Variants in COL6A3 observed in about 807,000 individuals in gnomAD.
The protein encoded by COL6A3 is collagen alpha-3(VI) chain.
In COL6A3, 137 loss-of-function variants were observed where a neutral mutation model predicts 274.1. The ratio of observed to expected loss-of-function variants is 0.50; its 90% CI spans 0.44 to 0.58. The LOEUF (loss-of-function observed/expected upper bound fraction) is 0.58. Among genes scored for constraint, COL6A3 ranks in the 20% least tolerant of loss-of-function variants. The pLI is 0.00. For missense variants in COL6A3, 3,950 were observed against 4,124.9 expected (o/e 0.96, Z 1.16); for synonymous variants, 1,650 against 1,650.6 (o/e 1.00, Z 0.01).
intron 4 of COL6A3, 58 bp from the exon 5 acceptor site, chr2:237,381,557 T>C (rs1330504683): frequency 8.6e-6 from 12 of 1,391,332 alleles, no homozygotes; most frequent in African/African-American, 1.4e-5. Flanking sequence ...CAATCAACAA[T>C]GACTTTCAAC....
At chr2:237,360,419 G>T (rs893438561) in intron 16 of COL6A3, among the ~76,000 whole-genome samples, 3 of 152,130 alleles carry the variant, frequency 2.0e-5, no homozygotes, top group South Asian at 2.1e-4. Context: ...TGTGGGGCAA[G>T]GGTGGGTGGC....
At chr2:237,401,062 A>G (rs779834083) in intron 1 of COL6A3, among the ~76,000 whole-genome samples, 3 of 152,226 alleles carry the variant, frequency 2.0e-5, no homozygotes, top group Non-Finnish European at 4.4e-5. Context: ...ATGCTGACTT[A>G]AAGACAGACA....
At position 237,374,598 on chromosome 2, in the gene COL6A3, T is replaced by C. The variant is rs777741210; in HGVS notation, c.3493A>G (p.Ile1165Val). Residue 1165 changes from isoleucine (I) to valine (V), a missense_variant, in exon 8 of 44, where the codon ATT becomes GTT. Physicochemically the swap from Ile to Val is conservative, Grantham distance 29. This residue lies in a region of COL6A3 where 1,934 missense variants were observed against 1,984.3 expected (regional missense o/e 0.97). Transcript: ENST00000295550. The surrounding 1 kb of genome is among the most constrained non-coding windows in gnomAD (Gnocchi z 4.8). The part of the protein sequence containing the change: ...VKRGGAVPIG[I>V]GIGNADITEM... ...GTGATGTCAGCGTTCCCGATGCCAA[T>C]GCCAATGGGCACAGCCCCACCCCTC... 2 of 1,614,198 alleles carry C rather than the reference T, an allele frequency of 1.2e-6. No individual in the cohort carries two copies. The highest frequency in any genetic ancestry group is 2.2e-5 in the East Asian group (1 of 44,860).
chr2:237,365,661 T>A (rs759596220), intron 12 of COL6A3, 37 bp downstream of exon 12: 9 of 1,604,574 alleles, frequency 5.6e-6, no homozygotes, highest in Admixed American at 1.7e-5. Flanking sequence ...ATTTGGAAAT[T>A]TCCCAGGGAG....
intron 1 of COL6A3, among the ~76,000 whole-genome samples, chr2:237,401,598 T>C (rs1286586504): frequency 1.3e-5 from 2 of 152,158 alleles, no homozygotes; most frequent in Non-Finnish European, 2.9e-5. Context: ...TGTATCATTG[T>C]AGGTGTATAA....
chr2:237,383,324 T>C (rs188018630), intron 4 of COL6A3, among the ~76,000 whole-genome samples: 2 of 152,368 alleles, frequency 1.3e-5, no homozygotes, highest in Admixed American at 1.3e-4. Context: ...GGTGTAACAA[T>C]GTGTGCAGAA....
chr2:237,381,809 C>G (rs1286768402), intron 4 of COL6A3, among the ~76,000 whole-genome samples: 1 of 152,158 alleles, frequency 6.6e-6, no homozygotes, highest in Non-Finnish European at 1.5e-5. Flanking sequence ...TCAATAAGTT[C>G]TCTTCTGCCG....
chr2:237,372,826 A>G (rs557179012), intron 8 of COL6A3, among the ~76,000 whole-genome samples: 13 of 152,198 alleles, frequency 8.5e-5, no homozygotes, highest in Non-Finnish European at 1.8e-4. Flanking sequence ...GTGGCGCATC[A>G]GAGAGGGTGT....
intron 4 of COL6A3, among the ~76,000 whole-genome samples, chr2:237,385,791 T>C (rs10929230): frequency 0.36 from 54,780 of 152,064 alleles, 11,352 homozygotes; most frequent in African/African-American, 0.58. Flanking sequence ...TGTAGTCCTG[T>C]ACACTGTTTC....
intron 37 of COL6A3, among the ~76,000 whole-genome samples, chr2:237,341,543 TAAAAAA>T (rs71039760): frequency 2.0e-5 from 1 of 49,118 alleles, no homozygotes; most frequent in African/African-American, 9.0e-5. Flanking sequence ...AGACTCTGTC[TAAAAAA>T]AAAAAAAAAA....
chr2:237,372,997 G>A (rs746423651), intron 8 of COL6A3, among the ~76,000 whole-genome samples: 21 of 152,288 alleles, frequency 1.4e-4, no homozygotes, highest in Admixed American at 7.2e-4. Flanking sequence ...AAGGAACCAC[G>A]GGATGACGTG....
intron 40 of COL6A3, 64 bp from the exon 41 acceptor site, chr2:237,334,953 G>A (rs555509885): frequency 3.4e-5 from 54 of 1,585,482 alleles, no homozygotes; most frequent in South Asian, 2.7e-4. Flanking sequence ...GTGCATGAGC[G>A]AGAGAGGAAA....
chr2:237,399,545 G>A (rs2078537512), intron 1 of COL6A3, among the ~76,000 whole-genome samples: 2 of 152,208 alleles, frequency 1.3e-5, no homozygotes, highest in Admixed American at 1.3e-4. Context: ...GGAAAAACAG[G>A]CATTCCATGA....
Position 237,364,739 on chromosome 2 carries a change from TGTGC to T in COL6A3, c.5839-315_5839-312del, listed in dbSNP as rs1461947468. Reference sequence around the variant, plus strand: ...TCATATGCATATGTGTGCATGCATGTGTGCGTGCATGTGTGTGCATGTGTGTGGG... The same window carrying T: ...TCATATGCATATGTGTGCATGCATGTGTGCATGTGTGTGCATGTGTGTGGG... On this transcript the variant is annotated intron_variant, in intron 12 of 43. Coordinates refer to ENST00000295550, the MANE Select transcript of COL6A3 (RefSeq NM_004369.4). This position sits in a 1 kb window ranked among gnomAD's most constrained non-coding sequence, Gnocchi z 4.6. 6.6e-6 allele frequency among the ~76,000 whole-genome samples: 1 copy of T among 152,132 alleles called. No individual in the cohort carries two copies. Among genetic ancestry groups the T allele is most frequent in the East Asian group, 1.9e-4 (1 of 5,190 alleles).
intron 1 of COL6A3, among the ~76,000 whole-genome samples, chr2:237,405,268 C>T (rs72986194): frequency 2.0e-5 from 3 of 152,238 alleles, no homozygotes; most frequent in Non-Finnish European, 4.4e-5. Flanking sequence ...CTCGTGGGCT[C>T]CTAGCCCAGC....
At chr2:237,343,514 CAAAAAAAAAAAAAAA>C (rs56037595) in intron 36 of COL6A3, 1 of 42,144 alleles carries the variant, frequency 2.4e-5, no homozygotes, top group African/African-American at 9.8e-5. Context: ...GACTCTGTCT[CAAAAAAAAAAAAAAA>C]AAAAAAAAAA....
Position 237,383,558 on chromosome 2 carries a change from T to C in COL6A3, c.1313-2059A>G, listed in dbSNP as rs372963177. ...GTATATAGATACACACATACACGTA[T>C]ATAGACACATATAAATTCCATATAT... On this transcript the variant is annotated intron_variant, in intron 4 of 43. Coordinates refer to ENST00000295550, the MANE Select transcript of COL6A3 (RefSeq NM_004369.4). 6.6e-5 allele frequency among the ~76,000 whole-genome samples: 10 copies of C among 152,254 alleles called. 1 individual carries two copies. Among genetic ancestry groups the C allele is most frequent in the African/African-American group, 2.4e-4 (10 of 41,534 alleles).
chr2:237,393,616 A>T lies in COL6A3; in HGVS notation c.709+971T>A, dbSNP rs149875678. On this transcript the variant is annotated intron_variant, in intron 3 of 43. Coordinates refer to ENST00000295550, the MANE Select transcript of COL6A3 (RefSeq NM_004369.4). The stretch of plus-strand genomic sequence containing the variant: ...CAGAATTCTCTGCTACCAACTATCA[A>T]ATGGCTGCATGGACTCATTTTCTAA... Among the ~76,000 whole-genome samples the T allele has an allele frequency of 6.8e-3, 1,028 of 152,188 alleles. 8 individuals carry two copies. The highest frequency in any genetic ancestry group is 0.024 in the African/African-American group (980 of 41,502).
chr2:237,358,486 C>T, intron 21 of COL6A3, 35 bp downstream of exon 21: 1 of 1,572,138 alleles, frequency 6.4e-7, no homozygotes, highest in Non-Finnish European at 8.8e-7. Flanking sequence ...CTTCCCCAGG[C>T]TCAGGTCTGA....
Sources: allele counts gnomAD v4.1 joint callset (sites outside exome capture counted in the v4.1 genomes callset), GRCh38; gene constraint gnomAD v4.1.1; regional missense constraint gnomAD v4.1.1; non-coding constraint Gnocchi (gnomAD v3.1); transcripts MANE v1.5; gene names NCBI Gene and HGNC (gene_info 2026-07-23, HGNC 2026-07-21).